Variants in AXIN2 observed in about 807,000 individuals in gnomAD.
AXIN2 encodes axin-2.
A neutral mutation model predicts 74.7 loss-of-function variants in AXIN2; 21 were observed. The ratio of observed to expected loss-of-function variants is 0.28; its 90% CI spans 0.20 to 0.40. The LOEUF is 0.40. Among genes scored for constraint, AXIN2 ranks in the 10% least tolerant of loss-of-function variants. The pLI, the probability that AXIN2 is intolerant of heterozygous loss-of-function variation, is 1.00. For synonymous variants in AXIN2, 532 were observed against 454.9 expected (o/e 1.17, Z -2.16); for missense variants, 1,144 against 1,111.1 (o/e 1.03, Z -0.42).
At chr17:65,538,013 C>A in intron 5 of AXIN2, 178 bp from the exon 6 acceptor site, 1 of 1,321,524 alleles carries the variant, frequency 7.6e-7, no homozygotes, top group Non-Finnish European at 1.0e-6. Flanking sequence ...CACGCATATG[C>A]ACACCCACAC....
chr17:65,531,981 C>T (rs1388049124), intron 10 of AXIN2, among the ~76,000 whole-genome samples: 1 of 151,962 alleles, frequency 6.6e-6, no homozygotes, highest in African/African-American at 2.4e-5. Flanking sequence ...TGTTGAAGCA[C>T]CAGCCCTGCT....
At position 65,537,649 on chromosome 17, in the gene AXIN2, G is replaced by A. The variant is rs730881395; in HGVS notation, c.1387C>T (p.Arg463Cys). The A allele has an allele frequency of 9.5e-6, 15 of 1,573,208 alleles. No homozygotes were observed. The highest frequency in any genetic ancestry group is 2.7e-5 in the African/African-American group (2 of 74,394). ...TGGTGGTGGTCCGGGGAGCGGGAGC[G>A]GGGGCTATAGCGGCCTACGCCTGGA... The part of the protein sequence containing the change: ...QSPGVGRYSP[R>C]SRSPDHHHHH... The change falls in exon 6 of 11, where the codon CGC becomes TGC. Residue 463 changes from arginine (R) to cysteine (C), a missense_variant. Physicochemically the swap from Arg to Cys is radical, Grantham distance 180. This residue lies in a region of AXIN2 where 1,053 missense variants were observed against 973.5 expected (regional missense o/e 1.08). Transcript: ENST00000307078.
At chr17:65,552,317 G>A (rs1442112418) in intron 2 of AXIN2, among the ~76,000 whole-genome samples, 2 of 152,200 alleles carry the variant, frequency 1.3e-5, no homozygotes, top group Non-Finnish European at 2.9e-5. Flanking sequence ...ATGGTCAGAG[G>A]AAATCCATAA....
Position 65,550,045 on chromosome 17 carries a change from T to A in AXIN2, c.816-385A>T, listed in dbSNP as rs533580748. Among the ~76,000 whole-genome samples the A allele has an allele frequency of 2.0e-5, 3 of 152,298 alleles. No individual in the cohort carries two copies. The East Asian group carries it at 5.8e-4, about 29-fold the overall frequency. On this transcript the variant is annotated intron_variant, in intron 2 of 10. Coordinates refer to ENST00000307078, the MANE Select transcript of AXIN2 (RefSeq NM_004655.4). ...GTGAAGATGAAATATCTTTCTCTGC[T>A]CCACCTCCCTATCCAATCCTGCACC...
At chr17:65,547,195 G>A (rs8182336) in intron 3 of AXIN2, among the ~76,000 whole-genome samples, 2 of 152,210 alleles carry the variant, frequency 1.3e-5, no homozygotes, top group African/African-American at 4.8e-5. Context: ...GGAGAACTTA[G>A]AACCTGCTCC....
intron 8 of AXIN2, among the ~76,000 whole-genome samples, chr17:65,536,062 T>C (rs1412469724): frequency 6.6e-6 from 1 of 152,232 alleles, no homozygotes; most frequent in East Asian, 1.9e-4. Context: ...TTGTAAGCAA[T>C]TGCTGAAATT....
In AXIN2 at chr17:65,544,751, C is replaced by T. The variant is rs1045443206; in HGVS notation, c.957-3194G>A. Among the ~76,000 whole-genome samples, 7 of 152,250 alleles carry T rather than the reference C, an allele frequency of 4.6e-5. No homozygotes were observed. In the East Asian group the frequency reaches 1.4e-3, roughly 29 times the overall value. Reference sequence around the variant, plus strand: ...GCCGGGCCCAGCTGTTTCTGGGGAGCATGGTTTTGAAGTGTGGACTCCACT... The same window carrying T: ...GCCGGGCCCAGCTGTTTCTGGGGAGTATGGTTTTGAAGTGTGGACTCCACT... On this transcript the variant is annotated intron_variant, in intron 3 of 10. Transcript: ENST00000307078.
intron 10 of AXIN2, among the ~76,000 whole-genome samples, chr17:65,533,066 G>A (rs1000165765): frequency 1.3e-5 from 2 of 152,216 alleles, no homozygotes; most frequent in Non-Finnish European, 2.9e-5. Context: ...CCTTACGAGG[G>A]AAATGATCAA....
In AXIN2 at chr17:65,534,021, C is replaced by T; in HGVS notation, c.2296G>A (p.Val766Ile). The change falls in exon 10 of 11, where the codon GTC becomes ATC. Residue 766 changes from valine to isoleucine, a missense_variant. Physicochemically the swap from Val to Ile is conservative, Grantham distance 29. Coordinates refer to ENST00000307078, the MANE Select transcript of AXIN2 (RefSeq NM_004655.4). ...TCTTCCCCACAGAAAAAGTAAGTGA[C>T]AACCAACTCACTGGCCTGGAGCGCG... ...VHALQASELVVTYFFCGEEIP... is the reference protein window; with the variant it reads ...VHALQASELVITYFFCGEEIP... The T allele has an allele frequency of 2.5e-6, 4 of 1,614,244 alleles. No individual in the cohort carries two copies. Among genetic ancestry groups the T allele is most frequent in the Non-Finnish European group, 3.4e-6 (4 of 1,180,042 alleles).
rs773477442 is a variant in AXIN2, at chr17:65,558,446, C to G, written c.175G>C (p.Glu59Gln). 6.3e-7 allele frequency: 1 copy of G among 1,599,494 alleles called. No individual in the cohort carries two copies. The highest frequency in any genetic ancestry group is 1.1e-5 in the South Asian group (1 of 89,112). The stretch of plus-strand genomic sequence containing the variant: ...CCCTCCGGCTCCCCCAACCCATCTT[C>G]GTTCCGCCTGGTGTTGGAAGAGACA... ...MPVSSNTRRN[E>Q]DGLGEPEGRA... is the part of the protein sequence containing the mutation. Residue 59 changes from glutamate (E) to glutamine (Q), a missense_variant, in exon 2 of 11, where the codon GAA becomes CAA. By Grantham distance (29) the Glu-to-Gln change is conservative (BLOSUM62 2). Around this residue, in one of 4 missense-constraint regions of AXIN2, gnomAD observed 1,053 missense variants for 973.5 expected, o/e 1.08. Transcript: ENST00000307078.
rs767340577 is a variant in AXIN2 at position 65,558,357 on chromosome 17, A to T, written c.264T>A (p.Asp88Glu). 1 of 1,614,044 alleles carries T rather than the reference A, an allele frequency of 6.2e-7. No homozygotes were observed. The highest frequency in any genetic ancestry group is 1.7e-5 in the Admixed American group (1 of 60,024). The change falls in exon 2 of 11, where the codon GAT becomes GAA. Residue 88 changes from aspartate (D) to glutamate (E), a missense_variant. Transcript: ENST00000307078. ...WTKSLHSLLGDQDGAYLFRTF... is the reference protein window; with the variant it reads ...WTKSLHSLLGEQDGAYLFRTF... Reference sequence around the variant, plus strand: ...TTCGGAACAGGTAAGCACCGTCTTGATCGCCCAATAAGGAGTGTAAGGACT... The same window carrying T: ...TTCGGAACAGGTAAGCACCGTCTTGTTCGCCCAATAAGGAGTGTAAGGACT...
intron 2 of AXIN2, among the ~76,000 whole-genome samples, chr17:65,557,170 A>G (rs1212809634): frequency 1.3e-5 from 2 of 152,208 alleles, no homozygotes; most frequent in Non-Finnish European, 2.9e-5. Flanking sequence ...CTGGATTAAT[A>G]TGCCAGCAAG....
chr17:65,537,430 T>G lies in AXIN2; in HGVS notation c.1606A>C (p.Thr536Pro). 6.2e-7 allele frequency: 1 copy of G among 1,614,014 alleles called. No homozygotes were observed. The highest frequency in any genetic ancestry group is 8.5e-7 in the Non-Finnish European group (1 of 1,180,000). Residue 536 changes from threonine (T) to proline (P), a missense_variant, in exon 6 of 11, where the codon ACG becomes CCG. Thr to Pro is a conservative substitution (Grantham distance 38). Around this residue, in one of 4 missense-constraint regions of AXIN2, gnomAD observed 1,053 missense variants for 973.5 expected, o/e 1.08. Transcript: ENST00000307078. ...KTKEEIEAEA[T>P]QRVHCFCPGG... ...GGGCAGAAGCAGTGCACCCGCTGCG[T>G]GGCCTCCGCCTCGATCTCCTCCTTG...
At chr17:65,541,329 T>C in intron 4 of AXIN2, 126 bp downstream of exon 4, 1 of 860,216 alleles carries the variant, frequency 1.2e-6, no homozygotes, top group South Asian at 1.4e-5. Context: ...CCCTTTGCCC[T>C]AGGGGACCTT....
chr17:65,536,090 G>GC (rs1444788644), intron 8 of AXIN2, among the ~76,000 whole-genome samples: 3 of 152,186 alleles, frequency 2.0e-5, no homozygotes, highest in African/African-American at 7.2e-5. Flanking sequence ...CCAATTCTAG[G>GC]CATGACTTGC....
chr17:65,543,932 C>T (rs74006841), intron 3 of AXIN2, among the ~76,000 whole-genome samples: 1,920 of 152,210 alleles, frequency 0.013, 48 homozygotes, highest in African/African-American at 0.044. Context: ...GTAGGGGTGG[C>T]GGTATCCCAC....
intron 4 of AXIN2, among the ~76,000 whole-genome samples, chr17:65,540,345 G>T (rs1173621614): frequency 6.6e-6 from 1 of 152,148 alleles, no homozygotes; most frequent in Non-Finnish European, 1.5e-5. Context: ...TGCATACAGA[G>T]GTTAACAGAA....
intron 10 of AXIN2, among the ~76,000 whole-genome samples, chr17:65,532,930 T>G (rs1296360535): frequency 6.6e-6 from 1 of 152,216 alleles, no homozygotes; most frequent in Non-Finnish European, 1.5e-5. Context: ...TGTCCCAGCC[T>G]GGAGCCCTAA....
chr17:65,535,502 G>T, intron 9 of AXIN2, 124 bp downstream of exon 9: 1 of 887,608 alleles, frequency 1.1e-6, no homozygotes, highest in Non-Finnish European at 1.8e-6. Context: ...CTCATCACTA[G>T]CGCTAAAATC....
Sources: gnomAD v4.1 joint callset for allele counts (sites outside exome capture counted in the v4.1 genomes callset) on GRCh38, gnomAD v4.1.1 for gene constraint, gnomAD v4.1.1 regional missense constraint, MANE v1.5 for transcripts, NCBI Gene and HGNC (gene_info 2026-07-23, HGNC 2026-07-21) for gene names.